Variants in TLE1 observed in about 807,000 individuals in gnomAD.
The protein encoded by TLE1 is TLE family member 1, transcriptional corepressor.
TLE1 carries 21 observed loss-of-function variants against 89.8 expected under a neutral mutation model. That is an observed-to-expected ratio of 0.23 (90% CI 0.17 to 0.34). TLE1 has a LOEUF of 0.34. Among genes scored for constraint, TLE1 ranks in the 10% least tolerant of loss-of-function variants. TLE1 has a pLI of 1.00. For missense variants in TLE1, 795 were observed against 1,031.2 expected (o/e 0.77, Z 3.14); for synonymous variants, 447 against 407.6 (o/e 1.10, Z -1.16).
At position 81,593,005 on chromosome 9, in the gene TLE1, A is replaced by C; in HGVS notation, c.1581+20T>G. The stretch of plus-strand genomic sequence containing the variant: ...CTCCAGGGAGAAATTGCCCTTGTGC[A>C]CCAGTTCCTGTTCACTCACCAGACA... On this transcript the variant is annotated intron_variant, in intron 15 of 19. Transcript: ENST00000376499. 1 of 1,601,160 alleles carries C rather than the reference A, an allele frequency of 6.2e-7. No homozygotes were observed. The highest frequency in any genetic ancestry group is 8.6e-7 in the Non-Finnish European group (1 of 1,169,412).
At position 81,584,441 on chromosome 9, in the gene TLE1, T is replaced by TA. The variant is rs756016452; in HGVS notation, c.2205+6dup. ...ACTGTGGATCTAGGTGAGGAGTACT[T>TA]ACTCACCTGGAATATGCTGGCTCCA... On this transcript the variant is annotated splice_region_variant and intron_variant, in intron 19 of 19. Transcript: ENST00000376499. The TA allele has an allele frequency of 1.8e-5, 29 of 1,614,066 alleles. No homozygotes were observed. The African/African-American group carries it at 3.2e-4, about 18-fold the overall frequency.
In TLE1 at chr9:81,688,569, C is replaced by CG; in HGVS notation, c.-330dup. 1 of 287,998 alleles carries CG rather than the reference C, an allele frequency of 3.5e-6. No individual in the cohort carries two copies. Among genetic ancestry groups the CG allele is most frequent in the Non-Finnish European group, 6.4e-6 (1 of 156,998 alleles). The allele number at this position is 287,998 out of a possible 1,614,324, so 17.8% of individuals were successfully genotyped here. A position where few individuals can be genotyped will look rare whatever the true frequency, so the allele number is the denominator to read the frequency against. On this transcript the variant is annotated 5_prime_UTR_variant, in exon 1 of 20. Transcript: ENST00000376499. ...CAACCCCCGGCCTCAGCTGCCCGGG[C>CG]GGGGAGGCGGGGGCGCGGTGACTCC...
chr9:81,637,080 G>T (rs1827469623), intron 6 of TLE1, among the ~76,000 whole-genome samples: 1 of 151,800 alleles, frequency 6.6e-6, no homozygotes, highest in Admixed American at 6.6e-5. Context: ...AAGATGAACT[G>T]GGGAAGGTGG....
rs1035064400 is a variant in TLE1, at chr9:81,664,070, G to T, written c.235-10034C>A. Reference sequence around the variant, plus strand: ...CATCAGACCATCTGGCCCACCAGTAGAACAAAATCCACAAACACATCTCTA... The same window carrying T: ...CATCAGACCATCTGGCCCACCAGTATAACAAAATCCACAAACACATCTCTA... On this transcript the variant is annotated intron_variant, in intron 4 of 19. Coordinates refer to ENST00000376499, the MANE Select transcript of TLE1 (RefSeq NM_005077.5). Among the ~76,000 whole-genome samples the T allele has an allele frequency of 2.6e-5, 4 of 152,074 alleles. No individual in the cohort carries two copies. In the South Asian group the frequency reaches 6.2e-4, roughly 24 times the overall value.
At chr9:81,675,698 G>GTTTGTTTTTTTTTTTT (rs1554701835) in intron 4 of TLE1, among the ~76,000 whole-genome samples, 2 of 129,672 alleles carry the variant, frequency 1.5e-5, no homozygotes, top group African/African-American at 6.6e-5. Context: ...ACTCACACTA[G>GTTTGTTTTTTTTTTTT]TTTTTTTTTG....
intron 4 of TLE1, among the ~76,000 whole-genome samples, chr9:81,663,581 G>A (rs557303989): frequency 4.0e-5 from 6 of 151,594 alleles, no homozygotes; most frequent in East Asian, 3.9e-4. Flanking sequence ...CAGGGTCACC[G>A]TGCCCTTGCT....
rs569162459 is a variant in TLE1 at position 81,671,084 on chromosome 9, C to CT, written c.234+14591dup. ...TTGGGAGGCTGAGACAGGAGAATAGCTTGAACCTGGGAGGCAATGACTGCG... is the reference window on the plus strand; with the variant it reads ...TTGGGAGGCTGAGACAGGAGAATAGCTTTGAACCTGGGAGGCAATGACTGCG... On this transcript the variant is annotated intron_variant, in intron 4 of 19. Transcript: ENST00000376499. Among the ~76,000 whole-genome samples the CT allele has an allele frequency of 2.2e-4, 33 of 152,260 alleles. No individual in the cohort carries two copies. The East Asian group carries it at 6.2e-3, about 29-fold the overall frequency.
chr9:81,679,077 G>A (rs751615188), intron 4 of TLE1, among the ~76,000 whole-genome samples: 2 of 152,206 alleles, frequency 1.3e-5, no homozygotes, highest in Non-Finnish European at 2.9e-5. Flanking sequence ...GAACCCAGGA[G>A]GCGGAGGCTG....
chr9:81,666,776 A>T (rs200182684), intron 4 of TLE1, among the ~76,000 whole-genome samples: 1 of 141,802 alleles, frequency 7.1e-6, no homozygotes, highest in Non-Finnish European at 1.5e-5. Flanking sequence ...CTCGTCTCAC[A>T]AAATAAATAA....
intron 4 of TLE1, among the ~76,000 whole-genome samples, chr9:81,662,810 G>T (rs1308173669): frequency 6.6e-6 from 1 of 151,946 alleles, no homozygotes; most frequent in Non-Finnish European, 1.5e-5. Flanking sequence ...TCCCTCCAGT[G>T]ACTTGGAATC....
chr9:81,649,641 T>C (rs1829293005), intron 6 of TLE1, among the ~76,000 whole-genome samples: 1 of 152,184 alleles, frequency 6.6e-6, no homozygotes, highest in Non-Finnish European at 1.5e-5. Flanking sequence ...GCCTCTCCCA[T>C]TGTTCTTTAC....
intron 19 of TLE1, 70 bp from the exon 20 acceptor site, chr9:81,584,375 G>A: frequency 1.2e-6 from 2 of 1,608,298 alleles, no homozygotes; most frequent in Non-Finnish European, 1.7e-6. Flanking sequence ...CTCCCTCGGA[G>A]GCACCTTCAC....
intron 14 of TLE1, chr9:81,600,119 A>C (rs2777781): frequency 4.1e-6 from 3 of 739,952 alleles, no homozygotes; most frequent in South Asian, 1.5e-5. Context: ...CAAGGCTCCT[A>C]AACAGGACAA....
At chr9:81,645,743 A>G (rs1368515650) in intron 6 of TLE1, among the ~76,000 whole-genome samples, 1 of 140,456 alleles carries the variant, frequency 7.1e-6, no homozygotes, top group African/African-American at 2.6e-5. Context: ...TCTGTCTCCA[A>G]AAAAATAAAA....
chr9:81,670,842 C>T (rs897190012), intron 4 of TLE1, among the ~76,000 whole-genome samples: 2 of 151,802 alleles, frequency 1.3e-5, no homozygotes, highest in Non-Finnish European at 2.9e-5. Flanking sequence ...GGGACCCTTT[C>T]GGTAGGTAAG....
intron 8 of TLE1, 196 bp from the exon 9 acceptor site, chr9:81,620,753 G>A (rs1825134594): frequency 1.0e-6 from 1 of 985,326 alleles, no homozygotes. Context: ...CCCTGACTTT[G>A]CAATCAAACC....
At chr9:81,673,079 C>T (rs1832429197) in intron 4 of TLE1, among the ~76,000 whole-genome samples, 1 of 151,620 alleles carries the variant, frequency 6.6e-6, no homozygotes, top group Non-Finnish European at 1.5e-5. Flanking sequence ...TTGTGACCAG[C>T]CTGGCCAACA....
chr9:81,682,973 A>T (rs1833813114), intron 4 of TLE1, among the ~76,000 whole-genome samples: 1 of 152,224 alleles, frequency 6.6e-6, no homozygotes, highest in South Asian at 2.1e-4. Flanking sequence ...GGAAGTGTTG[A>T]CACAACCTAA....
chr9:81,664,794 C>T lies in TLE1; in HGVS notation c.235-10758G>A, dbSNP rs546319956. The stretch of plus-strand genomic sequence containing the variant: ...AGTGGTTCTCAAACTCCAGCGTACA[C>T]GAGGATGGTCTTGTGCTTGTTAATA... On this transcript the variant is annotated intron_variant, in intron 4 of 19. Transcript: ENST00000376499. Among the ~76,000 whole-genome samples the T allele has an allele frequency of 3.9e-5, 6 of 152,212 alleles. No individual in the cohort carries two copies. In the South Asian group the frequency reaches 8.3e-4, roughly 21 times the overall value.
Sources: allele counts gnomAD v4.1 joint callset (sites outside exome capture counted in the v4.1 genomes callset), GRCh38; gene constraint gnomAD v4.1.1; transcripts MANE v1.5; gene names NCBI Gene and HGNC (gene_info 2026-07-23, HGNC 2026-07-21).